The following SGF29 variants were observed in gnomAD, a reference collection of about 807,000 sequenced individuals.
SGF29 encodes SAGA complex associated factor 29.
Under a neutral mutation model 38.1 loss-of-function variants are expected in SGF29, and 15 were observed. The observed-to-expected ratio is 0.39, with a 90% CI of 0.26 to 0.61. SGF29 has a LOEUF of 0.61. Ranked by LOEUF, SGF29 falls within the 20% of genes least tolerant of loss-of-function variation. SGF29 has a pLI of 0.49. For synonymous variants in SGF29, 151 were observed against 160.8 expected (o/e 0.94, Z 0.46); for missense variants, 184 against 394.6 (o/e 0.47, Z 4.52).
chr16:28,575,041 T>C (rs2046884914), intron 1 of SGF29, among the ~76,000 whole-genome samples: 1 of 152,200 alleles, frequency 6.6e-6, no homozygotes, highest in Non-Finnish European at 1.5e-5. Flanking sequence ...TTACCATAAA[T>C]CCTGCCATGG....
At chr16:28,564,703 A>G (rs2046820580) in intron 1 of SGF29, among the ~76,000 whole-genome samples, 1 of 80,280 alleles carries the variant, frequency 1.2e-5, no homozygotes, top group South Asian at 2.9e-4. Flanking sequence ...ATATGTATAT[A>G]TATACATATA....
At chr16:28,555,516 T>G (rs2046744944) in intron 1 of SGF29, among the ~76,000 whole-genome samples, 1 of 152,200 alleles carries the variant, frequency 6.6e-6, no homozygotes, top group Non-Finnish European at 1.5e-5. Flanking sequence ...CACATATAAG[T>G]GGACCTGCAC....
intron 2 of SGF29, among the ~76,000 whole-genome samples, chr16:28,581,918 CA>C (rs201203626): frequency 0.015 from 2,012 of 137,088 alleles, 42 homozygotes; most frequent in African/African-American, 0.048. Flanking sequence ...GACTCCATCT[CA>C]AAAAAAAAAA....
chr16:28,586,440 G>A (rs1190233164), intron 4 of SGF29, among the ~76,000 whole-genome samples: 1 of 151,358 alleles, frequency 6.6e-6, no homozygotes, highest in Admixed American at 6.6e-5. Flanking sequence ...GCAGGAGGCG[G>A]AGGTTGCAGT....
intron 4 of SGF29, among the ~76,000 whole-genome samples, chr16:28,587,353 T>C (rs1010273503): frequency 6.6e-6 from 1 of 152,248 alleles, no homozygotes; most frequent in African/African-American, 2.4e-5. Context: ...TAGGACAGGC[T>C]GTATAAAACT....
chr16:28,564,073 A>G (rs1206140632), intron 1 of SGF29, among the ~76,000 whole-genome samples: 1 of 152,106 alleles, frequency 6.6e-6, no homozygotes, highest in Non-Finnish European at 1.5e-5. Context: ...ATGAACAACC[A>G]CATGAGACAG....
At chr16:28,575,896 G>C (rs2046889821) in intron 1 of SGF29, among the ~76,000 whole-genome samples, 2 of 152,176 alleles carry the variant, frequency 1.3e-5, no homozygotes, top group African/African-American at 4.8e-5. Context: ...TGTAATCCCA[G>C]CATTTTGGGA....
chr16:28,584,028 C>CT (rs59285238), intron 2 of SGF29, among the ~76,000 whole-genome samples: 3,119 of 137,956 alleles, frequency 0.023, 90 homozygotes, highest in African/African-American at 0.07. Flanking sequence ...TTAATGCCTT[C>CT]TTTTTTTTTT....
chr16:28,584,803 A>T, intron 2 of SGF29, 110 bp from the exon 3 acceptor site: 1 of 685,038 alleles, frequency 1.5e-6, no homozygotes, highest in South Asian at 2.0e-5. Context: ...AAAAAAAAAA[A>T]AAAAGAAAAT....
intron 1 of SGF29, among the ~76,000 whole-genome samples, chr16:28,577,309 G>A (rs559960210): frequency 6.7e-6 from 1 of 149,198 alleles, no homozygotes; most frequent in African/African-American, 2.5e-5. Context: ...TCAGAGTTGT[G>A]CAACCATCAG....
At chr16:28,564,539 G>GTATATATATATGTATATATATATGTA (rs201825145) in intron 1 of SGF29, among the ~76,000 whole-genome samples, 1 of 89,044 alleles carries the variant, frequency 1.1e-5, no homozygotes, top group Non-Finnish European at 2.4e-5. Context: ...ATATATATAT[G>GTATATATATATGTATATATATATGTA]TATATATATA....
chr16:28,564,596 CAT>C (rs538810479), intron 1 of SGF29, among the ~76,000 whole-genome samples: 18 of 109,110 alleles, frequency 1.6e-4, no homozygotes, highest in South Asian at 5.1e-4. Context: ...TATATACACA[CAT>C]ATATGTGTAT....
At chr16:28,579,551 C>T (rs1170730022) in intron 1 of SGF29, among the ~76,000 whole-genome samples, 7 of 151,836 alleles carry the variant, frequency 4.6e-5, no homozygotes, top group Middle Eastern at 3.4e-3. Flanking sequence ...CCACCACGCC[C>T]GGCCCTAATT....
At chr16:28,559,204 C>CA (rs2046770997) in intron 1 of SGF29, among the ~76,000 whole-genome samples, 1 of 152,014 alleles carries the variant, frequency 6.6e-6, no homozygotes, top group Admixed American at 6.6e-5. Flanking sequence ...CCTGTAGTCC[C>CA]AGCCACTTGG....
At chr16:28,573,158 T>C (rs2046874435) in intron 1 of SGF29, among the ~76,000 whole-genome samples, 1 of 152,106 alleles carries the variant, frequency 6.6e-6, no homozygotes, top group South Asian at 2.1e-4. Flanking sequence ...TCTGTGACTT[T>C]CTTTTGACGG....
intron 4 of SGF29, 108 bp downstream of exon 4, chr16:28,585,828 G>A (rs564765158): frequency 2.7e-5 from 28 of 1,025,160 alleles, no homozygotes; most frequent in Admixed American, 1.7e-4. Flanking sequence ...TGGATAAGCT[G>A]ATTGCTACTC....
At chr16:28,587,103 C>G (rs1407530203) in intron 4 of SGF29, among the ~76,000 whole-genome samples, 2 of 152,202 alleles carry the variant, frequency 1.3e-5, no homozygotes, top group Admixed American at 1.3e-4. Flanking sequence ...ACCTTGGCCT[C>G]CCAAAGTGCT....
At chr16:28,563,715 CTTTTTT>C (rs11445174) in intron 1 of SGF29, among the ~76,000 whole-genome samples, 1 of 80,824 alleles carries the variant, frequency 1.2e-5, no homozygotes, top group Non-Finnish European at 2.4e-5. Flanking sequence ...GAGAAACAGA[CTTTTTT>C]TTTTTTTTTT....
At chr16:28,589,276 C>G (rs1171929509) in intron 5 of SGF29, 112 bp downstream of exon 5, 2 of 1,058,318 alleles carry the variant, frequency 1.9e-6, no homozygotes, top group Non-Finnish European at 1.4e-6. Context: ...CTGGCATCCT[C>G]CCATGGAGGC....
Sources: gnomAD v4.1 joint callset for allele counts (sites outside exome capture counted in the v4.1 genomes callset) on GRCh38, gnomAD v4.1.1 for gene constraint, MANE v1.5 for transcripts, NCBI Gene and HGNC (gene_info 2026-07-23, HGNC 2026-07-21) for gene names.